The following CACNA2D3 variants were observed in gnomAD, a reference collection of about 807,000 sequenced individuals.
The protein encoded by CACNA2D3 is voltage-dependent calcium channel subunit alpha-2/delta-3.
CACNA2D3 carries 60 observed loss-of-function variants against 160.6 expected under a neutral mutation model. That is an observed-to-expected ratio of 0.37 (90% confidence interval 0.30 to 0.46). CACNA2D3 has a LOEUF of 0.46. Among genes scored for constraint, CACNA2D3 ranks in the 20% least tolerant of loss-of-function variants. The pLI is 1.00. For missense variants in CACNA2D3, 1,205 were observed against 1,365.0 expected, an observed-to-expected ratio of 0.88 and a Z score of 1.85; for synonymous variants, 558 against 492.9, an observed-to-expected ratio of 1.13 and a Z score of -1.75.
chr3:54,387,704 G>C (rs1257592617), intron 4 of CACNA2D3, among the ~76,000 whole-genome samples: 2 of 150,900 alleles, frequency 1.3e-5, no homozygotes, highest in Non-Finnish European at 2.9e-5. Flanking sequence ...GATTCCTTTG[G>C]GTCTCCCTGA....
At chr3:54,129,571 C>G (rs778412934) in intron 2 of CACNA2D3, among the ~76,000 whole-genome samples, 1 of 152,212 alleles carries the variant, frequency 6.6e-6, no homozygotes, top group Non-Finnish European at 1.5e-5. Context: ...ATTATCTTTT[C>G]ACAAGAAATG....
intron 3 of CACNA2D3, among the ~76,000 whole-genome samples, chr3:54,361,400 T>C (rs1400031463): frequency 6.6e-6 from 1 of 152,148 alleles, no homozygotes; most frequent in Non-Finnish European, 1.5e-5. Flanking sequence ...GCAAAGGAAG[T>C]ATCTAAGAAT....
chr3:54,771,306 G>C (rs1165126071), intron 13 of CACNA2D3, among the ~76,000 whole-genome samples: 1 of 152,180 alleles, frequency 6.6e-6, no homozygotes, highest in Admixed American at 6.5e-5. Flanking sequence ...AATCAGCACA[G>C]ACTTAGTGGC....
At chr3:55,036,415 C>A (rs1458059971) in intron 35 of CACNA2D3, among the ~76,000 whole-genome samples, 1 of 152,114 alleles carries the variant, frequency 6.6e-6, no homozygotes, top group Non-Finnish European at 1.5e-5. Flanking sequence ...CCAAGCCATA[C>A]ACACAAAACC....
chr3:54,357,556 A>C (rs1225774669), intron 3 of CACNA2D3, among the ~76,000 whole-genome samples: 1 of 152,238 alleles, frequency 6.6e-6, no homozygotes, highest in East Asian at 1.9e-4. Flanking sequence ...ATGATCCAGC[A>C]ATTGAGCTCT....
chr3:54,666,282 G>T (rs1387106823), intron 11 of CACNA2D3, among the ~76,000 whole-genome samples: 1 of 152,072 alleles, frequency 6.6e-6, no homozygotes, highest in African/African-American at 2.4e-5. Context: ...TGTCTTCAAA[G>T]ATAGTCATAT....
intron 3 of CACNA2D3, among the ~76,000 whole-genome samples, chr3:54,361,060 T>G (rs1168247175): frequency 1.3e-5 from 2 of 152,092 alleles, no homozygotes; most frequent in Non-Finnish European, 2.9e-5. Context: ...TGTTAAAAAA[T>G]TCCATATTTT....
At chr3:54,365,048 G>A (rs148657645) in intron 3 of CACNA2D3, among the ~76,000 whole-genome samples, 24 of 152,308 alleles carry the variant, frequency 1.6e-4, no homozygotes, top group Non-Finnish European at 2.9e-4. Flanking sequence ...CAACTGCTGA[G>A]GTTTGTCATC....
intron 3 of CACNA2D3, among the ~76,000 whole-genome samples, chr3:54,380,171 C>T (rs990336513): frequency 1.2e-4 from 18 of 152,162 alleles, no homozygotes; most frequent in South Asian, 2.1e-4. Context: ...GAAATAAGTA[C>T]GGGAAACAAA....
intron 11 of CACNA2D3, among the ~76,000 whole-genome samples, chr3:54,651,265 GC>G (rs1430049730): frequency 6.6e-6 from 1 of 152,092 alleles, no homozygotes; most frequent in East Asian, 1.9e-4. Context: ...ACCCACTGGG[GC>G]TACAGTCAGA....
intron 3 of CACNA2D3, among the ~76,000 whole-genome samples, chr3:54,351,032 A>C (rs1347423378): frequency 8.6e-6 from 1 of 116,262 alleles, no homozygotes; most frequent in Non-Finnish European, 1.7e-5. Context: ...TGTGTCGCCC[A>C]GGCTGGAGGC....
At chr3:54,294,114 T>C (rs56411589) in intron 2 of CACNA2D3, among the ~76,000 whole-genome samples, 31,504 of 152,170 alleles carry the variant, frequency 0.21, 3,444 homozygotes, top group South Asian at 0.33. Context: ...GATTTTGTAC[T>C]TTCTAGCAAG....
At chr3:54,814,678 G>T (rs1264265590) in intron 13 of CACNA2D3, among the ~76,000 whole-genome samples, 2 of 152,200 alleles carry the variant, frequency 1.3e-5, no homozygotes, top group Admixed American at 6.5e-5. Context: ...TATGTTTTGT[G>T]GGGAGGATGA....
At chr3:54,834,394 C>G (rs1403414592) in intron 14 of CACNA2D3, among the ~76,000 whole-genome samples, 1 of 152,142 alleles carries the variant, frequency 6.6e-6, no homozygotes. Flanking sequence ...ACTTCTAATT[C>G]TAAGAGAACT....
intron 9 of CACNA2D3, among the ~76,000 whole-genome samples, chr3:54,606,299 G>T: frequency 6.6e-6 from 1 of 152,062 alleles, no homozygotes; most frequent in East Asian, 1.9e-4. Flanking sequence ...TGGAATAGTC[G>T]ATAGAGGAAG....
At chr3:55,022,139 G>A (rs1194145328) in intron 35 of CACNA2D3, among the ~76,000 whole-genome samples, 2 of 151,954 alleles carry the variant, frequency 1.3e-5, no homozygotes, top group African/African-American at 2.4e-5. Context: ...TTGAAGTTAT[G>A]TTACTTACCA....
intron 11 of CACNA2D3, among the ~76,000 whole-genome samples, chr3:54,700,449 A>G (rs1175852128): frequency 7.2e-5 from 11 of 152,230 alleles, no homozygotes; most frequent in Non-Finnish European, 2.9e-5. Flanking sequence ...TAGTTGCACC[A>G]ACCAAATTTC....
At chr3:54,929,504 A>G (rs1387554934) in intron 27 of CACNA2D3, among the ~76,000 whole-genome samples, 1 of 152,158 alleles carries the variant, frequency 6.6e-6, no homozygotes, top group Non-Finnish European at 1.5e-5. Flanking sequence ...ATTTTCAACA[A>G]CCTGTACTTT....
intron 11 of CACNA2D3, among the ~76,000 whole-genome samples, chr3:54,689,568 C>A (rs1163166330): frequency 6.6e-6 from 1 of 152,130 alleles, no homozygotes; most frequent in Non-Finnish European, 1.5e-5. Context: ...CTGGTTCTTC[C>A]CTCAGCCACC....
Sources: gnomAD v4.1 joint callset for allele counts (sites outside exome capture counted in the v4.1 genomes callset) on GRCh38, gnomAD v4.1.1 for gene constraint, MANE v1.5 for transcripts, NCBI Gene and HGNC (gene_info 2026-07-23, HGNC 2026-07-21) for gene names.